The following RBFOX1 variants were observed in gnomAD, a reference collection of about 807,000 sequenced individuals.
RBFOX1 encodes the protein RNA binding protein fox-1 homolog 1.
Under a neutral mutation model 57.7 loss-of-function variants are expected in RBFOX1, and 8 were observed. That is an observed-to-expected ratio of 0.14 (90% CI 0.08 to 0.25). The LOEUF is 0.25. Ranked by LOEUF, RBFOX1 falls within the 10% of genes least tolerant of loss-of-function variation. The pLI, the probability that RBFOX1 is intolerant of heterozygous loss-of-function variation, is 1.00. For synonymous variants in RBFOX1, 326 were observed against 222.4 expected (o/e 1.47, Z -4.15); for missense variants, 611 against 548.5 (o/e 1.11, Z -1.14).
At chr16:6,692,048 A>G (rs796420863) in intron 3 of RBFOX1, among the ~76,000 whole-genome samples, 1 of 152,246 alleles carries the variant, frequency 6.6e-6, no homozygotes, top group Non-Finnish European at 1.5e-5. Context: ...ATTTCAGTCC[A>G]GTAAAAGACA....
At chr16:5,926,156 G>T (rs1372778497) in intron 4 of RBFOX1, among the ~76,000 whole-genome samples, 1 of 152,226 alleles carries the variant, frequency 6.6e-6, no homozygotes. Context: ...GAAGGTAAAA[G>T]CTTGAGAATG....
At chr16:6,277,779 G>C (rs1280563915) in intron 1 of RBFOX1, among the ~76,000 whole-genome samples, 2 of 152,038 alleles carry the variant, frequency 1.3e-5, no homozygotes, top group Non-Finnish European at 2.9e-5. Flanking sequence ...GTACAGAGAA[G>C]AGGGGTGGCA....
intron 4 of RBFOX1, among the ~76,000 whole-genome samples, chr16:7,190,173 C>G (rs2085020502): frequency 6.6e-6 from 1 of 152,052 alleles, no homozygotes; most frequent in East Asian, 1.9e-4. Context: ...CCAGCCTTGC[C>G]AACATGGTGA....
At chr16:6,731,851 T>C (rs1379293969) in intron 3 of RBFOX1, among the ~76,000 whole-genome samples, 3 of 152,162 alleles carry the variant, frequency 2.0e-5, no homozygotes, top group African/African-American at 4.8e-5. Context: ...CCTTGGCTCA[T>C]TGTCTGCCTC....
chr16:7,189,597 A>ACACACG (rs1236934164), intron 4 of RBFOX1, among the ~76,000 whole-genome samples: 2 of 151,482 alleles, frequency 1.3e-5, no homozygotes, highest in African/African-American at 4.9e-5. Flanking sequence ...ATACACACAC[A>ACACACG]AAATAGAGCA....
chr16:6,055,353 A>G (rs913158008), intron 1 of RBFOX1, among the ~76,000 whole-genome samples: 12 of 151,910 alleles, frequency 7.9e-5, no homozygotes, highest in African/African-American at 2.9e-4. Flanking sequence ...AGCAGTTTTC[A>G]AGGCTGAGGA....
intron 3 of RBFOX1, among the ~76,000 whole-genome samples, chr16:6,847,635 C>T (rs7200754): frequency 0.69 from 105,378 of 151,992 alleles, 37,786 homozygotes; most frequent in East Asian, 0.9. Flanking sequence ...GGAAGAATTG[C>T]TGCCAGTAAT....
rs550128586 is a variant in RBFOX1 at position 5,421,890 on chromosome 16, A to G, written c.220-45326A>G. On this transcript the variant is annotated intron_variant, in intron 1 of 2. Transcript: ENST00000585867. ...TGAAGGCATGCTCGTGGTTAGGGAC[A>G]TGAAAACCCAAACTCAATATCATTT... 2.6e-5 allele frequency among the ~76,000 whole-genome samples: 4 copies of G among 152,204 alleles called. No homozygotes were observed. The South Asian group carries it at 6.2e-4, about 24-fold the overall frequency.
chr16:5,646,912 C>T (rs768006599), intron 3 of RBFOX1, among the ~76,000 whole-genome samples: 11 of 152,070 alleles, frequency 7.2e-5, no homozygotes, highest in East Asian at 1.9e-4. Context: ...ATATTACAGG[C>T]GTGAGCCACC....
chr16:6,960,281 G>C (rs6500890), intron 3 of RBFOX1, among the ~76,000 whole-genome samples: 98,586 of 151,390 alleles, frequency 0.65, 32,227 homozygotes, highest in African/African-American at 0.7. Context: ...TCAGGCCTCA[G>C]ATCTTATAGA....
At chr16:6,457,562 C>G (rs1364993057) in intron 2 of RBFOX1, among the ~76,000 whole-genome samples, 1 of 151,968 alleles carries the variant, frequency 6.6e-6, no homozygotes, top group Admixed American at 6.6e-5. Flanking sequence ...GCTCTAGCTC[C>G]CATCACCATT....
chr16:5,544,951 C>T (rs945419419), intron 2 of RBFOX1, among the ~76,000 whole-genome samples: 858 of 123,686 alleles, frequency 6.9e-3, no homozygotes, highest in Non-Finnish European at 0.01. Flanking sequence ...CTATTACATT[C>T]TTTTTTTTTT....
intron 3 of RBFOX1, among the ~76,000 whole-genome samples, chr16:6,950,232 A>C (rs1218099764): frequency 6.6e-6 from 1 of 150,772 alleles, no homozygotes; most frequent in East Asian, 2.0e-4. Flanking sequence ...CGCCGGGATT[A>C]CAGGCATGAG....
At chr16:7,217,278 T>A (rs1284100236) in intron 4 of RBFOX1, among the ~76,000 whole-genome samples, 4 of 130,620 alleles carry the variant, frequency 3.1e-5, no homozygotes, top group Non-Finnish European at 4.6e-5. Context: ...ATTATCTTTT[T>A]TTTTCTTATT....
intron 2 of RBFOX1, among the ~76,000 whole-genome samples, chr16:6,361,649 T>C (rs1335391851): frequency 6.7e-6 from 1 of 148,878 alleles, no homozygotes; most frequent in Admixed American, 6.6e-5. Flanking sequence ...AAAAAAATCA[T>C]GGTCAATCAT....
At chr16:7,240,040 C>T (rs1474575043) in intron 4 of RBFOX1, among the ~76,000 whole-genome samples, 2 of 152,166 alleles carry the variant, frequency 1.3e-5, no homozygotes, top group African/African-American at 4.8e-5. Flanking sequence ...AATGTCTGCT[C>T]ACTAGAACAT....
At chr16:6,772,565 C>T (rs1478829347) in intron 3 of RBFOX1, among the ~76,000 whole-genome samples, 1 of 140,978 alleles carries the variant, frequency 7.1e-6, no homozygotes, top group Non-Finnish European at 1.5e-5. Context: ...GTGTGGGGTG[C>T]ATTTGTGTGT....
chr16:6,183,814 G>C (rs538701469), intron 1 of RBFOX1, among the ~76,000 whole-genome samples: 2 of 152,276 alleles, frequency 1.3e-5, no homozygotes, highest in Non-Finnish European at 2.9e-5. Context: ...TGTTAGCTGG[G>C]GTAGAAGCTA....
intron 4 of RBFOX1, among the ~76,000 whole-genome samples, chr16:7,319,884 A>G (rs2096514300): frequency 6.6e-6 from 1 of 152,122 alleles, no homozygotes; most frequent in Non-Finnish European, 1.5e-5. Flanking sequence ...TACCAATACC[A>G]TGGACTTGTT....
Sources: gnomAD v4.1 joint callset for allele counts (sites outside exome capture counted in the v4.1 genomes callset) on GRCh38, gnomAD v4.1.1 for gene constraint, MANE v1.5 for transcripts, NCBI Gene and HGNC (gene_info 2026-07-23, HGNC 2026-07-21) for gene names.